RGS20: variants seen among roughly 807,000 people sequenced by gnomAD.
RGS20 encodes the protein regulator of G protein signaling 20.
A neutral mutation model predicts 33.6 loss-of-function variants in RGS20; 30 were observed. That is an observed-to-expected ratio of 0.89 (90% CI 0.67 to 1.21). RGS20 has a LOEUF of 1.21. Ranked by LOEUF, RGS20 falls within the 50% of genes most tolerant of loss-of-function variation. The probability of loss-of-function intolerance (pLI) is 0.00; values close to 1 mark genes in which losing one functional copy is unlikely to be tolerated. For synonymous variants in RGS20, 208 were observed against 197.9 expected (o/e 1.05, Z -0.43); for missense variants, 472 against 502.4 (o/e 0.94, Z 0.58).
At chr8:53,883,382 T>TC (rs1290680438) in intron 2 of RGS20, among the ~76,000 whole-genome samples, 2 of 152,036 alleles carry the variant, frequency 1.3e-5, no homozygotes, top group African/African-American at 4.8e-5. Context: ...CAGGCTGGTC[T>TC]TGAACTCCCG....
At chr8:53,904,126 CTTT>C (rs35492125) in intron 2 of RGS20, among the ~76,000 whole-genome samples, 6,665 of 136,708 alleles carry the variant, frequency 0.049, 441 homozygotes, top group African/African-American at 0.16. Context: ...AATAACTTTG[CTTT>C]TTTTTTTTTT....
chr8:53,954,631 T>C (rs1814808616), intron 5 of RGS20, among the ~76,000 whole-genome samples: 1 of 150,948 alleles, frequency 6.6e-6, no homozygotes, highest in African/African-American at 2.4e-5. Flanking sequence ...GCCATTGCAC[T>C]CCAGCCTGGG....
At chr8:53,956,691 T>C (rs139577766) in intron 5 of RGS20, among the ~76,000 whole-genome samples, 4 of 152,368 alleles carry the variant, frequency 2.6e-5, no homozygotes, top group African/African-American at 9.6e-5. Flanking sequence ...ATTGGTAATA[T>C]TCAGTTGACA....
chr8:53,940,072 C>T (rs1266195642), intron 3 of RGS20, among the ~76,000 whole-genome samples: 2 of 152,128 alleles, frequency 1.3e-5, no homozygotes, highest in Non-Finnish European at 2.9e-5. Flanking sequence ...GGCTTAGGAT[C>T]TAAGATAGGT....
chr8:53,906,646 A>G (rs1279281226), intron 2 of RGS20, among the ~76,000 whole-genome samples: 2 of 152,238 alleles, frequency 1.3e-5, no homozygotes, highest in Admixed American at 6.5e-5. Context: ...TTGAGGCTGC[A>G]GTACAGGAGG....
rs568976683 is a variant in RGS20 at position 53,932,554 on chromosome 8, C to T, written c.511-7022C>T. 2.6e-5 allele frequency among the ~76,000 whole-genome samples: 4 copies of T among 152,294 alleles called. No homozygotes were observed. The East Asian group carries it at 7.7e-4, about 29-fold the overall frequency. On this transcript the variant is annotated intron_variant, in intron 2 of 5. Coordinates refer to ENST00000297313, the MANE Select transcript of RGS20 (RefSeq NM_170587.4). ...GGAGCACACTGCAGCTTAGCAAAGT[C>T]GCTGTAGCCAGACTGTATCTCTAGA...
Position 53,864,430 on chromosome 8 carries a change from GAA to G in RGS20, c.165+12386_165+12387del, listed in dbSNP as rs754317203. On this transcript the variant is annotated intron_variant, in intron 1 of 5. Coordinates refer to ENST00000297313, the MANE Select transcript of RGS20 (RefSeq NM_170587.4). ...GCCTGGCGATAGAGCAAGACTCCAT[GAA>G]AAAAAAAAAAAAAAAAAAACTCAGA... Among the ~76,000 whole-genome samples, 193 of 82,884 alleles carry G rather than the reference GAA, an allele frequency of 2.3e-3. 1 individual carries two copies. Among genetic ancestry groups the G allele is most frequent in the African/African-American group, 6.0e-3 (134 of 22,448 alleles). The allele number at this position is 82,884 out of a possible 152,430, so 54.4% of individuals were successfully genotyped here. A position where few individuals can be genotyped will look rare whatever the true frequency, so the allele number is the denominator to read the frequency against.
chr8:53,915,441 C>A (rs1563394116), intron 2 of RGS20, among the ~76,000 whole-genome samples: 1 of 152,176 alleles, frequency 6.6e-6, no homozygotes. Flanking sequence ...TCTCCCCACT[C>A]CTGCCTGACC....
At chr8:53,869,272 A>G (rs1811999344) in intron 1 of RGS20, among the ~76,000 whole-genome samples, 1 of 152,186 alleles carries the variant, frequency 6.6e-6, no homozygotes, top group African/African-American at 2.4e-5. Context: ...AAGTGGGGAG[A>G]AAGCACAGGT....
In RGS20 at chr8:53,948,140, T is replaced by C. The variant is rs1012907296; in HGVS notation, c.743+1392T>C. Among the ~76,000 whole-genome samples, 3 of 135,828 alleles carry C rather than the reference T, an allele frequency of 2.2e-5. No individual in the cohort carries two copies. The East Asian group carries it at 6.3e-4, about 28-fold the overall frequency. 89.1% of individuals were successfully genotyped at this position (135,828 alleles called of 152,430 possible). On this transcript the variant is annotated intron_variant, in intron 4 of 5. Transcript: ENST00000297313. The stretch of plus-strand genomic sequence containing the variant: ...AGATGTAGTATATATATGCTATATA[T>C]ATGATATAGTATATATATTTATATA...
At chr8:53,932,047 G>T (rs558498934) in intron 2 of RGS20, among the ~76,000 whole-genome samples, 14 of 152,236 alleles carry the variant, frequency 9.2e-5, no homozygotes, top group East Asian at 1.9e-4. Flanking sequence ...AATTCTGGGT[G>T]GAAAATTCTT....
chr8:53,931,892 A>G (rs574048306), intron 2 of RGS20, among the ~76,000 whole-genome samples: 235 of 152,296 alleles, frequency 1.5e-3, no homozygotes, highest in Admixed American at 2.9e-3. Context: ...CTTTTCCCAC[A>G]GTCTTTGCAA....
chr8:53,906,456 G>A (rs1321855411), intron 2 of RGS20, among the ~76,000 whole-genome samples: 1 of 152,144 alleles, frequency 6.6e-6, no homozygotes, highest in African/African-American at 2.4e-5. Flanking sequence ...GGCAAATGTG[G>A]TATCTGTGAA....
intron 2 of RGS20, among the ~76,000 whole-genome samples, chr8:53,932,231 G>C (rs1437027870): frequency 2.6e-5 from 4 of 152,096 alleles, no homozygotes; most frequent in African/African-American, 4.8e-5. Flanking sequence ...GCTAGCTGCA[G>C]AAGTGTTTTT....
intron 2 of RGS20, among the ~76,000 whole-genome samples, chr8:53,917,485 A>C (rs1036278354): frequency 2.6e-5 from 4 of 152,150 alleles, no homozygotes; most frequent in African/African-American, 9.7e-5. Context: ...TCCCATCATT[A>C]TCTCCATTTT....
chr8:53,873,517 A>G (rs1319663066), intron 1 of RGS20, among the ~76,000 whole-genome samples: 1 of 152,140 alleles, frequency 6.6e-6, no homozygotes, highest in African/African-American at 2.4e-5. Context: ...GTCATCTTTC[A>G]CTTAACATCA....
chr8:53,918,431 C>T (rs994293723), intron 2 of RGS20, among the ~76,000 whole-genome samples: 6 of 148,248 alleles, frequency 4.0e-5, no homozygotes, highest in Non-Finnish European at 7.4e-5. Flanking sequence ...TCTTGTTGCC[C>T]GGGCCGAAGT....
At chr8:53,903,169 C>T (rs1365189956) in intron 2 of RGS20, among the ~76,000 whole-genome samples, 1 of 152,158 alleles carries the variant, frequency 6.6e-6, no homozygotes, top group African/African-American at 2.4e-5. Flanking sequence ...CGTGTGTGTG[C>T]TTGTATAGAT....
chr8:53,884,370 AT>A (rs1585885526), intron 2 of RGS20, among the ~76,000 whole-genome samples: 1 of 151,740 alleles, frequency 6.6e-6, no homozygotes, highest in African/African-American at 2.4e-5. Flanking sequence ...TAATTTTTTA[AT>A]TTTTTATAGA....
Sources: gnomAD v4.1 joint callset for allele counts (sites outside exome capture counted in the v4.1 genomes callset) on GRCh38, gnomAD v4.1.1 for gene constraint, MANE v1.5 for transcripts, NCBI Gene and HGNC (gene_info 2026-07-23, HGNC 2026-07-21) for gene names.